Variants in FGF5 observed in about 807,000 individuals in gnomAD.
FGF5 encodes fibroblast growth factor 5, also known as heparin-binding growth factor 5.
Under a neutral mutation model 21.8 loss-of-function variants are expected in FGF5, and 23 were observed. The ratio of observed to expected loss-of-function variants is 1.05; its 90% CI spans 0.76 to 1.49. FGF5 has a LOEUF of 1.49. FGF5 is among the 40% of genes most tolerant of loss of function. The pLI is 0.00. For synonymous variants in FGF5, 158 were observed against 124.0 expected (o/e 1.27, Z -1.82); for missense variants, 352 against 332.9 (o/e 1.06, Z -0.45).
chr4:80,280,277 T>C (rs1720516048), intron 2 of FGF5, among the ~76,000 whole-genome samples: 1 of 152,236 alleles, frequency 6.6e-6, no homozygotes, highest in South Asian at 2.1e-4. Flanking sequence ...AATGCCAGTT[T>C]CCCCTCAGTT....
At chr4:80,272,026 G>A (rs1720285241) in intron 1 of FGF5, among the ~76,000 whole-genome samples, 1 of 152,132 alleles carries the variant, frequency 6.6e-6, no homozygotes, top group Non-Finnish European at 1.5e-5. Context: ...ACAAGGCATT[G>A]TGAAATCACT....
chr4:80,286,307 T>A lies in FGF5; in HGVS notation c.460-18T>A. On this transcript the variant is annotated intron_variant, in intron 2 of 2. Transcript: ENST00000312465. ...AGATCGCCACAACTTAAATTTCCTC[T>A]TTTTTTCTCCTCCTTAGGCCAAGTT... 1 of 1,526,480 alleles carries A rather than the reference T, an allele frequency of 6.6e-7. No homozygotes were observed. The highest frequency in any genetic ancestry group is 1.3e-5 in the South Asian group (1 of 78,700). 94.6% of individuals were successfully genotyped at this position (1,526,480 alleles called of 1,614,324 possible). A position where few individuals can be genotyped will look rare whatever the true frequency, so the allele number is the denominator to read the frequency against.
At position 80,286,985 on chromosome 4, in the gene FGF5, C is replaced by G. The variant is rs1720753685; in HGVS notation, c.*313C>G. The G allele has an allele frequency of 1.3e-5, 3 of 226,580 alleles. No individual in the cohort carries two copies. Among genetic ancestry groups the G allele is most frequent in the South Asian group, 1.5e-4 (1 of 6,590 alleles). The allele number at this position is 226,580 out of a possible 1,614,324, so 14.0% of individuals were successfully genotyped here. A position where few individuals can be genotyped will look rare whatever the true frequency, so the allele number is the denominator to read the frequency against. ...TAACAGGGACTACGTATTTTTCTGACTTTTACAGATTAACCTGAAAGAACA... is the reference window on the plus strand; with the variant it reads ...TAACAGGGACTACGTATTTTTCTGAGTTTTACAGATTAACCTGAAAGAACA... On this transcript the variant is annotated 3_prime_UTR_variant, in exon 3 of 3. Transcript: ENST00000312465.
Position 80,266,880 on chromosome 4 carries a change from G to A in FGF5, c.56G>A (p.Trp19Ter). The change falls in exon 1 of 3, where the codon TGG becomes TAG. Residue 19 changes from tryptophan (W) to a stop codon, truncating the protein, a stop_gained. Transcript: ENST00000312465. LOFTEE classifies it high-confidence loss of function. The part of the protein sequence containing the change: ...LFFSHLILSA[W>*]AHGEKRLAPK... ...TTCAGCCACCTGATCCTCAGCGCCTGGGCTCACGGGGAGAAGCGTCTCGCC... is the reference window on the plus strand; with the variant it reads ...TTCAGCCACCTGATCCTCAGCGCCTAGGCTCACGGGGAGAAGCGTCTCGCC... 2.5e-6 allele frequency: 4 copies of A among 1,612,488 alleles called. No individual in the cohort carries two copies. The highest frequency in any genetic ancestry group is 3.4e-6 in the Non-Finnish European group (4 of 1,179,338).
At chr4:80,272,133 G>A (rs1348133601) in intron 1 of FGF5, among the ~76,000 whole-genome samples, 3 of 152,266 alleles carry the variant, frequency 2.0e-5, no homozygotes, top group Admixed American at 6.5e-5. Flanking sequence ...AGTTACTCAC[G>A]TGAAAAATAA....
intron 2 of FGF5, 25 bp from the exon 3 acceptor site, chr4:80,286,300 T>C: frequency 6.7e-7 from 1 of 1,498,426 alleles, no homozygotes; most frequent in Non-Finnish European, 9.0e-7. Flanking sequence ...ACAACTTAAA[T>C]TTCCTCTTTT....
At chr4:80,275,349 A>AC (rs35302267) in intron 2 of FGF5, among the ~76,000 whole-genome samples, 1,660 of 152,098 alleles carry the variant, frequency 0.011, 20 homozygotes, top group African/African-American at 0.037. Flanking sequence ...TTTTAAACTT[A>AC]CAAGTTTATA....
intron 2 of FGF5, among the ~76,000 whole-genome samples, chr4:80,281,557 C>A (rs1042987723): frequency 3.9e-5 from 6 of 151,904 alleles, no homozygotes; most frequent in African/African-American, 1.2e-4. Context: ...ACACAAATTC[C>A]AAGGTTTATA....
intron 2 of FGF5, among the ~76,000 whole-genome samples, chr4:80,277,159 G>T (rs1053303548): frequency 8.5e-5 from 13 of 152,144 alleles, no homozygotes; most frequent in African/African-American, 3.1e-4. Flanking sequence ...TCTAAGGATG[G>T]CTGGTTGAAA....
At chr4:80,286,250 T>A (rs1720713269) in intron 2 of FGF5, 75 bp from the exon 3 acceptor site, 1 of 1,001,312 alleles carries the variant, frequency 1.0e-6, no homozygotes, top group Non-Finnish European at 1.5e-6. Context: ...TTTTTTTTTC[T>A]ACAATACCTT....
At chr4:80,273,847 C>T (rs1025746739) in intron 1 of FGF5, among the ~76,000 whole-genome samples, 1 of 151,946 alleles carries the variant, frequency 6.6e-6, no homozygotes, top group African/African-American at 2.4e-5. Flanking sequence ...ACCTGGCTTC[C>T]CTTTTTCCTT....
chr4:80,285,804 T>C (rs1720696289), intron 2 of FGF5, among the ~76,000 whole-genome samples: 1 of 152,198 alleles, frequency 6.6e-6, no homozygotes, highest in African/African-American at 2.4e-5. Flanking sequence ...GGGGGCCATA[T>C]GCTACTTCTC....
At chr4:80,268,781 C>A (rs1328241665) in intron 1 of FGF5, among the ~76,000 whole-genome samples, 2 of 152,214 alleles carry the variant, frequency 1.3e-5, no homozygotes, top group East Asian at 1.9e-4. Flanking sequence ...CACGCACCAG[C>A]GAGTCCCAGG....
At position 80,287,339 on chromosome 4, in the gene FGF5, C is replaced by T. The variant is rs1452149663; in HGVS notation, c.*667C>T. ...AATGTTTAAATTCTCTTTCACAGCA[C>T]CAAAGGCTCAGCTTGGATTTGTGTG... On this transcript the variant is annotated 3_prime_UTR_variant, in exon 3 of 3. Coordinates refer to ENST00000312465, the MANE Select transcript of FGF5 (RefSeq NM_004464.4). The T allele has an allele frequency of 6.6e-6, 1 of 152,092 alleles. No homozygotes were observed. The highest frequency in any genetic ancestry group is 2.4e-5 in the African/African-American group (1 of 41,410). 9.4% of individuals were successfully genotyped at this position (152,092 alleles called of 1,614,324 possible).
At chr4:80,279,269 C>A (rs1320625684) in intron 2 of FGF5, among the ~76,000 whole-genome samples, 1 of 152,214 alleles carries the variant, frequency 6.6e-6, no homozygotes, top group East Asian at 1.9e-4. Flanking sequence ...ATTAAAGTCA[C>A]AATCTATTGG....
chr4:80,285,535 C>T (rs1169890805), intron 2 of FGF5, among the ~76,000 whole-genome samples: 1 of 152,176 alleles, frequency 6.6e-6, no homozygotes, highest in Admixed American at 6.5e-5. Flanking sequence ...TTCCTCTATG[C>T]TGTCATTGTA....
intron 2 of FGF5, among the ~76,000 whole-genome samples, chr4:80,283,514 G>A (rs1720613739): frequency 6.6e-6 from 1 of 152,114 alleles, no homozygotes; most frequent in African/African-American, 2.4e-5. Flanking sequence ...AAAAAGAAAT[G>A]CTGTGGTGTG....
rs1189402873 is a variant in FGF5 at position 80,286,482 on chromosome 4, T to TTAAA, written c.618_621dup (p.Pro208Ter). ...GCCAAACGAGGGTGCAGCCCCCGGG[T>TTAAA]TAAACCCCAGCATATCTCTACCCAT... is the stretch of plus-strand genomic sequence containing the variant. On this transcript the variant is annotated frameshift_variant, in exon 3 of 3. Transcript: ENST00000312465. LOFTEE classifies it high-confidence loss of function. The TTAAA allele has an allele frequency of 6.2e-7, 1 of 1,613,894 alleles. No homozygotes were observed. The highest frequency in any genetic ancestry group is 1.7e-5 in the Admixed American group (1 of 59,956).
At chr4:80,270,188 G>A (rs1720229117) in intron 1 of FGF5, among the ~76,000 whole-genome samples, 1 of 152,236 alleles carries the variant, frequency 6.6e-6, no homozygotes, top group African/African-American at 2.4e-5. Flanking sequence ...CTGTATGTGA[G>A]TTAGTGATGA....
Sources: gnomAD v4.1 joint callset for allele counts (sites outside exome capture counted in the v4.1 genomes callset) on GRCh38, gnomAD v4.1.1 for gene constraint, MANE v1.5 for transcripts, NCBI Gene and HGNC (gene_info 2026-07-23, HGNC 2026-07-21) for gene names.